Variants in CNTNAP2 observed in about 807,000 individuals in gnomAD.
CNTNAP2 encodes the protein contactin-associated protein-like 2.
Under a neutral mutation model 155.2 loss-of-function variants are expected in CNTNAP2, and 98 were observed. That is an observed-to-expected ratio of 0.63 (90% CI 0.54 to 0.75). The LOEUF (loss-of-function observed/expected upper bound fraction) is 0.75. Ranked by LOEUF, CNTNAP2 falls within the 30% of genes least tolerant of loss-of-function variation. The pLI is 0.00. For missense variants in CNTNAP2, 1,727 were observed against 1,688.1 expected (o/e 1.02, Z -0.40); for synonymous variants, 651 against 631.2 (o/e 1.03, Z -0.47).
At chr7:147,891,431 C>T (rs1034741382) in intron 13 of CNTNAP2, among the ~76,000 whole-genome samples, 2 of 152,074 alleles carry the variant, frequency 1.3e-5, no homozygotes, top group African/African-American at 2.4e-5. Context: ...TCTTGAACTC[C>T]TGACCTCCTG....
Position 146,679,347 on chromosome 7 carries a change from C to CTTTTTTTTTT in CNTNAP2, c.98-94913_98-94904dup, listed in dbSNP as rs34541415. Among the ~76,000 whole-genome samples, 28 of 106,934 alleles carry CTTTTTTTTTT rather than the reference C, an allele frequency of 2.6e-4. 1 individual carries two copies. Among genetic ancestry groups the CTTTTTTTTTT allele is most frequent in the South Asian group, 3.3e-4 (1 of 3,026 alleles). The allele number at this position is 106,934 out of a possible 152,430, so 70.2% of individuals were successfully genotyped here. On this transcript the variant is annotated intron_variant, in intron 1 of 23. Coordinates refer to ENST00000361727, the MANE Select transcript of CNTNAP2 (RefSeq NM_014141.6). ...CCATGCAAAGGACATGATCTTGTTT[C>CTTTTTTTTTT]TTTTTTTTTTTTTTTTTTTTGGAGA...
chr7:148,175,730 G>A (rs1011907785), intron 18 of CNTNAP2, among the ~76,000 whole-genome samples: 6 of 152,144 alleles, frequency 3.9e-5, no homozygotes, highest in African/African-American at 1.4e-4. Context: ...CAGGGGGACA[G>A]ATAAGCTAAG....
At chr7:147,366,154 A>T (rs1189726437) in intron 9 of CNTNAP2, among the ~76,000 whole-genome samples, 1 of 152,186 alleles carries the variant, frequency 6.6e-6, no homozygotes, top group Non-Finnish European at 1.5e-5. Context: ...TGTTCTTTGT[A>T]GATATTATAT....
chr7:148,242,152 A>T (rs1031240081), intron 20 of CNTNAP2, among the ~76,000 whole-genome samples: 24 of 152,224 alleles, frequency 1.6e-4, no homozygotes, highest in African/African-American at 5.3e-4. Flanking sequence ...TCTGCAAAGC[A>T]TCATACTGTT....
intron 14 of CNTNAP2, among the ~76,000 whole-genome samples, chr7:147,949,440 G>GTATATATATATATATATATATATATA (rs57422437): frequency 3.3e-3 from 420 of 127,148 alleles, no homozygotes; most frequent in Non-Finnish European, 5.4e-3. Context: ...TCAACTGTGT[G>GTATATATATATATATATATATATATA]TATATATATA....
chr7:146,483,427 G>T (rs562351490), intron 1 of CNTNAP2, among the ~76,000 whole-genome samples: 1 of 147,110 alleles, frequency 6.8e-6, no homozygotes, highest in Non-Finnish European at 1.5e-5. Context: ...AATAAGTGAG[G>T]GTCAGATATT....
intron 8 of CNTNAP2, among the ~76,000 whole-genome samples, chr7:147,255,379 G>A (rs1584823030): frequency 6.6e-6 from 1 of 151,964 alleles, no homozygotes; most frequent in Admixed American, 6.6e-5. Context: ...ATGCCACTAC[G>A]GCTGACTAAT....
At chr7:147,562,098 T>C in intron 11 of CNTNAP2, 40 bp from the exon 12 acceptor site, 1 of 1,613,194 alleles carries the variant, frequency 6.2e-7, no homozygotes, top group Non-Finnish European at 8.5e-7. Context: ...GAGCCATTTG[T>C]TCTGTGCTGT....
chr7:146,282,388 C>G (rs948306131), intron 1 of CNTNAP2, among the ~76,000 whole-genome samples: 30 of 152,204 alleles, frequency 2.0e-4, no homozygotes, highest in African/African-American at 7.2e-4. Flanking sequence ...TTGTCTGTCT[C>G]TCCTCCTGGT....
At chr7:147,848,253 C>T (rs1295979805) in intron 13 of CNTNAP2, among the ~76,000 whole-genome samples, 2 of 147,104 alleles carry the variant, frequency 1.4e-5, no homozygotes, top group Admixed American at 7.1e-5. Flanking sequence ...AGCGAGATTC[C>T]GTAGGCGTAG....
At position 147,488,374 on chromosome 7, in the gene CNTNAP2, G is replaced by A. The variant is rs180886068; in HGVS notation, c.1777+2333G>A. ...ATTTGACTTTTCTTGCACTTTGTTC[G>A]ACTGAAGTCTCTTGGTATTCTACAA... On this transcript the variant is annotated intron_variant, in intron 11 of 23. Transcript: ENST00000361727. Among the ~76,000 whole-genome samples, 207 of 152,244 alleles carry A rather than the reference G, an allele frequency of 1.4e-3. 1 individual carries two copies. Among genetic ancestry groups the A allele is most frequent in the African/African-American group, 4.6e-3 (192 of 41,568 alleles).
At chr7:146,411,037 A>T (rs1340987227) in intron 1 of CNTNAP2, among the ~76,000 whole-genome samples, 1 of 152,158 alleles carries the variant, frequency 6.6e-6, no homozygotes, top group African/African-American at 2.4e-5. Context: ...GTGATTCTAT[A>T]TCTAGGCTAT....
intron 13 of CNTNAP2, among the ~76,000 whole-genome samples, chr7:147,901,863 A>G (rs1479384488): frequency 6.6e-6 from 1 of 152,234 alleles, no homozygotes; most frequent in African/African-American, 2.4e-5. Flanking sequence ...GATTGGATGA[A>G]TGAATGAATG....
chr7:146,289,675 C>A (rs952797103), intron 1 of CNTNAP2, among the ~76,000 whole-genome samples: 1 of 152,034 alleles, frequency 6.6e-6, no homozygotes, highest in Non-Finnish European at 1.5e-5. Context: ...TATTCCAAAT[C>A]GTATTTAAAA....
At chr7:146,516,688 C>A (rs1797546754) in intron 1 of CNTNAP2, among the ~76,000 whole-genome samples, 1 of 151,858 alleles carries the variant, frequency 6.6e-6, no homozygotes, top group Non-Finnish European at 1.5e-5. Flanking sequence ...CTGGCCAAAT[C>A]CCAAAACACT....
At chr7:147,772,408 A>AAT (rs1554432776) in intron 13 of CNTNAP2, among the ~76,000 whole-genome samples, 5 of 133,166 alleles carry the variant, frequency 3.8e-5, no homozygotes, top group East Asian at 4.2e-4. Context: ...TAAAAAAAAA[A>AAT]ATATATATAT....
chr7:147,761,107 A>G (rs778091106), intron 13 of CNTNAP2, among the ~76,000 whole-genome samples: 47 of 152,194 alleles, frequency 3.1e-4, no homozygotes, highest in Non-Finnish European at 6.3e-4. Flanking sequence ...AGAGAAAATC[A>G]ATAAACTTCA....
At chr7:148,010,857 G>T (rs1040029125) in intron 15 of CNTNAP2, among the ~76,000 whole-genome samples, 10 of 151,796 alleles carry the variant, frequency 6.6e-5, no homozygotes, top group African/African-American at 2.4e-4. Context: ...TGTTCACATT[G>T]TCAATGCTGC....
intron 15 of CNTNAP2, among the ~76,000 whole-genome samples, chr7:148,090,811 G>A (rs1044932748): frequency 6.6e-6 from 1 of 152,088 alleles, no homozygotes; most frequent in Non-Finnish European, 1.5e-5. Flanking sequence ...GTTTACCGCA[G>A]CATTATTCAC....
Sources: allele counts gnomAD v4.1 joint callset (sites outside exome capture counted in the v4.1 genomes callset), GRCh38; gene constraint gnomAD v4.1.1; transcripts MANE v1.5; gene names NCBI Gene and HGNC (gene_info 2026-07-23, HGNC 2026-07-21).